The following COL8A2 variants were observed in gnomAD, a reference collection of about 807,000 sequenced individuals.
The protein encoded by COL8A2 is collagen type VIII alpha 2 chain, also known as collagen alpha-2(VIII) chain.
COL8A2 carries 16 observed loss-of-function variants against 24.0 expected under a neutral mutation model. That is an observed-to-expected ratio of 0.67 (90% CI 0.45 to 1.01). The LOEUF (loss-of-function observed/expected upper bound fraction) is 1.01. Among genes scored for constraint, COL8A2 ranks in the 50% least tolerant of loss-of-function variants. The pLI is 0.00. For missense variants in COL8A2, 818 were observed against 942.4 expected, an observed-to-expected ratio of 0.87 and a Z score of 1.73; for synonymous variants, 466 against 424.5, an observed-to-expected ratio of 1.10 and a Z score of -1.20.
chr1:36,107,103 C>T (rs1643772424), intron 2 of COL8A2, among the ~76,000 whole-genome samples: 1 of 152,148 alleles, frequency 6.6e-6, no homozygotes, highest in Non-Finnish European at 1.5e-5. Context: ...CCAGAGAGGC[C>T]CGTTAAGAAC....
At position 36,100,039 on chromosome 1, in the gene COL8A2, G is replaced by A. The variant is rs766296008; in HGVS notation, c.193+11C>T. On this transcript the variant is annotated intron_variant, in intron 3 of 3. Coordinates refer to ENST00000397799, the MANE Select transcript of COL8A2 (RefSeq NM_005202.4). ...GCGATTTGAGGCACTGTGGGGTGAG[G>A]AGGCTCTCACCCAGGTACTGGCCTT... 22 of 1,607,824 alleles carry A rather than the reference G, an allele frequency of 1.4e-5. 1 individual carries two copies. Among genetic ancestry groups the A allele is most frequent in the Middle Eastern group, 3.4e-4 (2 of 5,916 alleles).
At chr1:36,106,525 C>T (rs1320883329) in intron 2 of COL8A2, among the ~76,000 whole-genome samples, 1 of 152,040 alleles carries the variant, frequency 6.6e-6, no homozygotes, top group African/African-American at 2.4e-5. Context: ...ATGGAAGGGG[C>T]AGAGTGTGTG....
chr1:36,097,282 G>A lies in COL8A2; in HGVS notation c.*287C>T. 1 of 344,094 alleles carries A rather than the reference G, an allele frequency of 2.9e-6. No individual in the cohort carries two copies. Among genetic ancestry groups the A allele is most frequent in the Non-Finnish European group, 5.4e-6 (1 of 186,372 alleles). The allele number at this position is 344,094 out of a possible 1,614,324, so 21.3% of individuals were successfully genotyped here. Reference sequence around the variant, plus strand: ...TGAGCTCCCTCTCAGCTCCTTCAGGGCCCAGCAGAGGCCAGGACTCACAAG... The same window carrying A: ...TGAGCTCCCTCTCAGCTCCTTCAGGACCCAGCAGAGGCCAGGACTCACAAG... On this transcript the variant is annotated 3_prime_UTR_variant, in exon 4 of 4. Transcript: ENST00000397799.
intron 1 of COL8A2, among the ~76,000 whole-genome samples, chr1:36,118,004 G>A (rs1643887850): frequency 6.6e-6 from 1 of 152,188 alleles, no homozygotes; most frequent in Non-Finnish European, 1.5e-5. Context: ...CAGGATCAGA[G>A]ATGCGGATCC....
chr1:36,099,556 TC>T, intron 3 of COL8A2, 69 bp from the exon 4 acceptor site: 2 of 1,122,328 alleles, frequency 1.8e-6, no homozygotes, highest in Non-Finnish European at 2.6e-6. Flanking sequence ...ATCTACCCAT[TC>T]CCCCATTCCA....
At chr1:36,119,711 C>G (rs1570058148) in intron 1 of COL8A2, among the ~76,000 whole-genome samples, 1 of 152,350 alleles carries the variant, frequency 6.6e-6, no homozygotes, top group East Asian at 1.9e-4. Flanking sequence ...AGGAAGGAGG[C>G]TAGCCAGAAA....
intron 2 of COL8A2, among the ~76,000 whole-genome samples, chr1:36,110,427 G>A (rs1428683189): frequency 2.0e-5 from 3 of 152,110 alleles, no homozygotes; most frequent in Non-Finnish European, 4.4e-5. Flanking sequence ...CTCTTCAAAA[G>A]CTCAGGTTAC....
At chr1:36,100,939 T>C (rs571057218) in intron 2 of COL8A2, among the ~76,000 whole-genome samples, 6 of 126,986 alleles carry the variant, frequency 4.7e-5, no homozygotes, top group African/African-American at 1.7e-4. Flanking sequence ...GCTCGCCCAG[T>C]GCAATGTGCA....
chr1:36,109,543 A>G (rs973878392), intron 2 of COL8A2, among the ~76,000 whole-genome samples: 1 of 150,566 alleles, frequency 6.6e-6, no homozygotes, highest in Non-Finnish European at 1.5e-5. Context: ...CTGCAAAAGG[A>G]TTAACTCAGG....
At position 36,125,104 on chromosome 1, in the gene COL8A2, C is replaced by CGGGCGGCGAGGGCTCCGGGCAG; in HGVS notation, c.-131_-110dup. The stretch of plus-strand genomic sequence containing the variant: ...CCGCTCCCGGCCCTCGAGGGCGGCC[C>CGGGCGGCGAGGGCTCCGGGCAG]GGGCGGCGAGGGCTCCGGGCAGGGG... On this transcript the variant is annotated 5_prime_UTR_variant, in exon 1 of 4. Transcript: ENST00000397799. This position sits in a 1 kb window ranked among gnomAD's most constrained non-coding sequence, Gnocchi z 4.5. The CGGGCGGCGAGGGCTCCGGGCAG allele has an allele frequency of 1.0e-6, 1 of 974,952 alleles. No homozygotes were observed. Among genetic ancestry groups the CGGGCGGCGAGGGCTCCGGGCAG allele is most frequent in the Non-Finnish European group, 1.2e-6 (1 of 822,342 alleles). 60.4% of individuals were successfully genotyped at this position (974,952 alleles called of 1,614,324 possible).
At chr1:36,110,276 A>G (rs1338964399) in intron 2 of COL8A2, among the ~76,000 whole-genome samples, 1 of 151,418 alleles carries the variant, frequency 6.6e-6, no homozygotes, top group Admixed American at 6.6e-5. Flanking sequence ...TTAAAAAAAA[A>G]AAAAAAAAGG....
At chr1:36,112,592 T>G (rs998817201) in intron 2 of COL8A2, among the ~76,000 whole-genome samples, 1 of 151,996 alleles carries the variant, frequency 6.6e-6, no homozygotes, top group African/African-American at 2.4e-5. Context: ...CCCCCAAAAC[T>G]CAGCCCAGCA....
At chr1:36,106,001 G>C (rs539159579) in intron 2 of COL8A2, among the ~76,000 whole-genome samples, 2 of 150,648 alleles carry the variant, frequency 1.3e-5, no homozygotes, top group Admixed American at 6.6e-5. Flanking sequence ...GGCAGGGCGC[G>C]GTGGCTCACC....
intron 2 of COL8A2, among the ~76,000 whole-genome samples, chr1:36,103,609 T>G (rs1557741311): frequency 6.6e-6 from 1 of 151,900 alleles, no homozygotes; most frequent in Non-Finnish European, 1.5e-5. Flanking sequence ...GACAGAGTTT[T>G]GCTTCTGTCA....
chr1:36,099,184 GGGCCCGGGA>G lies in COL8A2; in HGVS notation c.488_496del (p.Leu163_Gly165del), dbSNP rs774599292. 1 of 1,508,152 alleles carries G rather than the reference GGGCCCGGGA, an allele frequency of 6.6e-7. No individual in the cohort carries two copies. The highest frequency in any genetic ancestry group is 1.4e-5 in the African/African-American group (1 of 71,036). The allele number at this position is 1,508,152 out of a possible 1,614,324, so 93.4% of individuals were successfully genotyped here. ...TTTTCCAGGGATAGTAATGCCTGAG[GGGCCCGGGA>G]GGCCAGGGGGTCCTGGGGGTCCCCG... On this transcript the variant is annotated inframe_deletion, in exon 4 of 4. Coordinates refer to ENST00000397799, the MANE Select transcript of COL8A2 (RefSeq NM_005202.4).
At position 36,097,490 on chromosome 1, in the gene COL8A2, C is replaced by T. The variant is rs373098052; in HGVS notation, c.*79G>A. The T allele has an allele frequency of 9.8e-5, 120 of 1,220,316 alleles. 1 individual carries two copies. The South Asian group carries it at 1.1e-3, about 11-fold the overall frequency. 75.6% of individuals were successfully genotyped at this position (1,220,316 alleles called of 1,614,324 possible). A position where few individuals can be genotyped will look rare whatever the true frequency, so the allele number is the denominator to read the frequency against. On this transcript the variant is annotated 3_prime_UTR_variant, in exon 4 of 4. Transcript: ENST00000397799. ...TCTGTTCAGCTTTTGTTTTTTTTTC[C>T]AGGAGGTTCTTTGTAATTGAAAAGG...
Position 36,115,848 on chromosome 1 carries a change from GC to G in COL8A2, c.-61-97del. The G allele has an allele frequency of 1.4e-6, 1 of 696,722 alleles. No individual in the cohort carries two copies. Among genetic ancestry groups the G allele is most frequent in the Non-Finnish European group, 1.8e-6 (1 of 566,492 alleles). The allele number at this position is 696,722 out of a possible 1,614,324, so 43.2% of individuals were successfully genotyped here. On this transcript the variant is annotated intron_variant, in intron 1 of 3. Transcript: ENST00000397799. This position sits in a 1 kb window ranked among gnomAD's most constrained non-coding sequence, Gnocchi z 5.7. ...AGGCTAAGGTGGGAAGACTGCTTGA[GC>G]CCAGGAGTTTGAGACCAGCCTGGGC...
chr1:36,101,374 T>G (rs1244917758), intron 2 of COL8A2, among the ~76,000 whole-genome samples: 1 of 152,222 alleles, frequency 6.6e-6, no homozygotes, highest in African/African-American at 2.4e-5. Flanking sequence ...GCCTGCAATG[T>G]TATTTTCCTC....
In COL8A2 at chr1:36,098,490, C is replaced by T; in HGVS notation, c.1191G>A (p.Gly397=). The stretch of plus-strand genomic sequence containing the variant: ...CTGGTTTCCCAGCCAGGCCACTAGG[C>T]CCCTGGTCACCTCGAATGCCAGGCA... ...PGVPGIRGDQ[G]PSGLAGKPGV... is the part of the protein sequence containing the mutation. Residue 397 remains glycine (G), a synonymous_variant, in exon 4 of 4, where the codon GGG becomes GGA. Transcript: ENST00000397799. The T allele has an allele frequency of 4.4e-6, 7 of 1,582,448 alleles. No individual in the cohort carries two copies. The Admixed American group carries it at 1.1e-4, about 24-fold the overall frequency.
Sources: gnomAD v4.1 joint callset for allele counts (sites outside exome capture counted in the v4.1 genomes callset) on GRCh38, gnomAD v4.1.1 for gene constraint, Gnocchi (gnomAD v3.1) non-coding constraint, MANE v1.5 for transcripts, NCBI Gene and HGNC (gene_info 2026-07-23, HGNC 2026-07-21) for gene names.